Variants in NCOA1 observed in about 807,000 individuals in gnomAD.
The protein encoded by NCOA1 is Hin-2 protein.
A neutral mutation model predicts 150.9 loss-of-function variants in NCOA1; 35 were observed. The observed-to-expected ratio is 0.23, with a 90% CI of 0.18 to 0.31. NCOA1 has a LOEUF of 0.31. NCOA1 is among the 10% of genes least tolerant of loss of function. NCOA1 has a pLI of 1.00. For missense variants in NCOA1, 1,491 were observed against 1,749.3 expected (o/e 0.85, Z 2.63); for synonymous variants, 590 against 630.0 (o/e 0.94, Z 0.95).
intron 3 of NCOA1, among the ~76,000 whole-genome samples, chr2:24,607,617 G>A (rs113291657): frequency 0.045 from 6,787 of 152,106 alleles, 195 homozygotes; most frequent in Middle Eastern, 0.071. Flanking sequence ...GTGAACCCAG[G>A]GGGTGGAGAT....
intron 17 of NCOA1, among the ~76,000 whole-genome samples, chr2:24,731,063 G>A (rs891822632): frequency 4.0e-5 from 6 of 149,516 alleles, no homozygotes; most frequent in Non-Finnish European, 7.4e-5. Flanking sequence ...AAAGCCAGCT[G>A]TGGGAAGGGG....
intron 1 of NCOA1, among the ~76,000 whole-genome samples, chr2:24,512,181 CTGTT>C (rs900356004): frequency 2.6e-5 from 4 of 152,204 alleles, no homozygotes; most frequent in African/African-American, 7.2e-5. Context: ...GAGCTTTCAA[CTGTT>C]TGAACAGTTT....
chr2:24,608,702 GTGT>G (rs1668483023), intron 3 of NCOA1, among the ~76,000 whole-genome samples: 4 of 78,938 alleles, frequency 5.1e-5, no homozygotes, highest in Non-Finnish European at 1.0e-4. Flanking sequence ...TGTTGTTGTT[GTGT>G]TTTTTTTTTT....
At chr2:24,637,081 T>TA (rs537985181) in intron 3 of NCOA1, among the ~76,000 whole-genome samples, 4 of 149,894 alleles carry the variant, frequency 2.7e-5, no homozygotes, top group African/African-American at 2.5e-5. Context: ...TAAAATCTTT[T>TA]TTTTATTATT....
intron 1 of NCOA1, among the ~76,000 whole-genome samples, chr2:24,548,611 C>T (rs1665700665): frequency 6.6e-6 from 1 of 152,200 alleles, no homozygotes; most frequent in African/African-American, 2.4e-5. Flanking sequence ...CCTGTAAAAT[C>T]AAAAGCAAGT....
intron 1 of NCOA1, among the ~76,000 whole-genome samples, chr2:24,525,877 T>C (rs1053503885): frequency 6.6e-6 from 1 of 152,106 alleles, no homozygotes; most frequent in African/African-American, 2.4e-5. Flanking sequence ...TAATCATCCT[T>C]AGGTCTGCTT....
At chr2:24,735,895 C>A (rs1205445520) in intron 17 of NCOA1, among the ~76,000 whole-genome samples, 1 of 152,080 alleles carries the variant, frequency 6.6e-6, no homozygotes, top group African/African-American at 2.4e-5. Context: ...AAAAGAACAA[C>A]AGCAAAAATG....
intron 14 of NCOA1, among the ~76,000 whole-genome samples, chr2:24,721,559 A>G (rs1490271654): frequency 1.3e-5 from 2 of 152,230 alleles, no homozygotes; most frequent in Non-Finnish European, 2.9e-5. Flanking sequence ...GGAGGTGGGG[A>G]AACCCCTTGT....
chr2:24,690,832 A>T (rs1197306272), intron 8 of NCOA1, among the ~76,000 whole-genome samples: 2 of 152,064 alleles, frequency 1.3e-5, no homozygotes, highest in Non-Finnish European at 1.5e-5. Context: ...ATCAGGTAAC[A>T]TTTATTTTTT....
intron 1 of NCOA1, among the ~76,000 whole-genome samples, chr2:24,517,501 C>T (rs1331725982): frequency 1.3e-5 from 2 of 152,068 alleles, no homozygotes; most frequent in Non-Finnish European, 2.9e-5. Context: ...CTGCGAGAAC[C>T]GTTTCACACT....
intron 11 of NCOA1, among the ~76,000 whole-genome samples, chr2:24,703,980 T>C (rs773874131): frequency 3.3e-5 from 5 of 152,210 alleles, no homozygotes; most frequent in Non-Finnish European, 7.4e-5. Flanking sequence ...TATTACATAA[T>C]AGTCTGGCAT....
At chr2:24,689,523 A>G (rs1257763291) in intron 8 of NCOA1, among the ~76,000 whole-genome samples, 1 of 151,804 alleles carries the variant, frequency 6.6e-6, no homozygotes, top group Non-Finnish European at 1.5e-5. Context: ...TAGCTGGGAC[A>G]ACTACTTGGT....
chr2:24,512,908 A>G (rs759977383), intron 1 of NCOA1, among the ~76,000 whole-genome samples: 2 of 152,174 alleles, frequency 1.3e-5, no homozygotes, highest in African/African-American at 2.4e-5. Context: ...TGTTGAATGG[A>G]GTTAATTCCT....
At chr2:24,567,328 A>G (rs1185277998) in intron 2 of NCOA1, among the ~76,000 whole-genome samples, 1 of 152,234 alleles carries the variant, frequency 6.6e-6, no homozygotes, top group African/African-American at 2.4e-5. Context: ...TCGTCTTAGT[A>G]CCAGAGCCAT....
intron 4 of NCOA1, among the ~76,000 whole-genome samples, chr2:24,657,102 C>G (rs917476407): frequency 6.6e-6 from 1 of 152,224 alleles, no homozygotes; most frequent in Non-Finnish European, 1.5e-5. Flanking sequence ...TATACGAGTT[C>G]CCTTTTCTCT....
chr2:24,649,943 A>G (rs916333923), intron 4 of NCOA1, among the ~76,000 whole-genome samples: 12 of 152,212 alleles, frequency 7.9e-5, no homozygotes, highest in Non-Finnish European at 1.5e-4. Flanking sequence ...TTAGCATAAT[A>G]AATTTAAAAG....
At chr2:24,749,072 C>T (rs917324270) in intron 19 of NCOA1, among the ~76,000 whole-genome samples, 7 of 152,204 alleles carry the variant, frequency 4.6e-5, no homozygotes, top group African/African-American at 1.4e-4. Flanking sequence ...AAACATTAAA[C>T]ATTTTTTAAA....
intron 21 of NCOA1, 42 bp downstream of exon 21, chr2:24,758,198 A>T (rs754344740): frequency 6.6e-7 from 1 of 1,511,480 alleles, no homozygotes; most frequent in South Asian, 1.3e-5. Flanking sequence ...ACCACATCAC[A>T]GTTAATTCTG....
At chr2:24,520,548 T>A (rs1433107063) in intron 1 of NCOA1, among the ~76,000 whole-genome samples, 3 of 152,180 alleles carry the variant, frequency 2.0e-5, no homozygotes, top group Non-Finnish European at 4.4e-5. Context: ...TGCATCTTAA[T>A]CAATAGTGAA....
Sources: allele counts gnomAD v4.1 joint callset (sites outside exome capture counted in the v4.1 genomes callset), GRCh38; gene constraint gnomAD v4.1.1; transcripts MANE v1.5; gene names NCBI Gene and HGNC (gene_info 2026-07-23, HGNC 2026-07-21).